Variants in VWA7 observed in about 807,000 individuals in gnomAD.
VWA7 encodes the protein von Willebrand factor A domain-containing protein 7.
In VWA7, 66 loss-of-function variants were observed where a neutral mutation model predicts 83.1. The observed-to-expected ratio is 0.79, with a 90% CI of 0.65 to 0.98. The LOEUF is 0.98. Ranked by LOEUF, VWA7 falls within the 50% of genes least tolerant of loss-of-function variation. The pLI, the probability that VWA7 is intolerant of heterozygous loss-of-function variation, is 0.00. For missense variants in VWA7, 1,080 were observed against 1,160.2 expected, an observed-to-expected ratio of 0.93 and a Z score of 1.00; for synonymous variants, 424 against 488.5, an observed-to-expected ratio of 0.87 and a Z score of 1.74.
rs1811694585 is a variant in VWA7 at position 31,767,209 on chromosome 6, T to C, written c.1831A>G (p.Met611Val). 1 of 1,604,842 alleles carries C rather than the reference T, an allele frequency of 6.2e-7. No homozygotes were observed. Among genetic ancestry groups the C allele is most frequent in the Non-Finnish European group, 8.5e-7 (1 of 1,177,146 alleles). ...AGGCCAGGGTGGGGTCCATCCTCCA[T>C]GGGGATCCCAAAGTGGAAGAGGAAG... ...LDFLFHFGIPMEDGPHPGLYP... is the reference protein window; with the variant it reads ...LDFLFHFGIPVEDGPHPGLYP... The change falls in exon 13 of 17, where the codon ATG (methionine) becomes GTG (valine). Residue 611 changes from methionine (M) to valine (V), a missense_variant. Coordinates refer to ENST00000375688, the MANE Select transcript of VWA7 (RefSeq NM_025258.3).
At position 31,776,220 on chromosome 6, in the gene VWA7, T is replaced by A; in HGVS notation, c.257A>T (p.Asp86Val). The A allele has an allele frequency of 6.2e-7, 1 of 1,611,858 alleles. No individual in the cohort carries two copies. Among genetic ancestry groups the A allele is most frequent in the Non-Finnish European group, 8.5e-7 (1 of 1,179,436 alleles). The change falls in exon 3 of 17, where the codon GAC becomes GTC. Residue 86 changes from aspartate to valine, a missense_variant. Transcript: ENST00000375688. This position sits in a 1 kb window ranked among gnomAD's most constrained non-coding sequence, Gnocchi z 6.2. ...DFLGRTLLAD[D>V]LFAAYFGPGS... ...AGGTCCAAAGTAGGCGGCAAAGAGG[T>A]CATCAGCAAGGAGTGTTCGACCCTG... is the stretch of plus-strand genomic sequence containing the variant.
Position 31,765,626 on chromosome 6 carries a change from C to T in VWA7, c.2644G>A (p.Val882Met). The T allele has an allele frequency of 1.2e-6, 2 of 1,611,120 alleles. No individual in the cohort carries two copies. Among genetic ancestry groups the T allele is most frequent in the Non-Finnish European group, 1.7e-6 (2 of 1,179,382 alleles). The change falls in exon 17 of 17, where the codon GTG (valine) becomes ATG (methionine). Residue 882 changes from valine (V) to methionine (M), a missense_variant. Physicochemically the swap from Val to Met is conservative, Grantham distance 21. Transcript: ENST00000375688. Reference protein sequence around the residue: ...GSPWWGTVGGVLLLLGLASW With the variant: ...GSPWWGTVGGMLLLLGLASW ...GAGGCCAGGCCTAGCAGAAGCAGCA[C>T]CCCTCCAACTGTGCCCCACCAGGGG... is the stretch of plus-strand genomic sequence containing the variant.
rs1202614866 is a variant in VWA7, at chr6:31,773,248, A to T, written c.911T>A (p.Phe304Tyr). ...LLRSRLGDRD[F>Y]SRLLDITPAS... ...TCCCCAGGAGGCCACTCACCTGGAG[A>T]AATCCCTGTCTCCCAGGCGGCTTCG... is the stretch of plus-strand genomic sequence containing the variant. The change falls in exon 6 of 17, where the codon TTC becomes TAC. Residue 304 changes from phenylalanine to tyrosine, a missense_variant. Coordinates refer to ENST00000375688, the MANE Select transcript of VWA7 (RefSeq NM_025258.3). This position sits in a 1 kb window ranked among gnomAD's most constrained non-coding sequence, Gnocchi z 5.3. 1 of 1,602,800 alleles carries T rather than the reference A, an allele frequency of 6.2e-7. No individual in the cohort carries two copies.
chr6:31,775,838 C>T lies in VWA7; in HGVS notation c.513+126G>A, dbSNP rs1311707763. The T allele has an allele frequency of 9.1e-6, 13 of 1,425,360 alleles. No homozygotes were observed. The highest frequency in any genetic ancestry group is 2.9e-5 in the African/African-American group (2 of 70,022). The allele number at this position is 1,425,360 out of a possible 1,614,324, so 88.3% of individuals were successfully genotyped here. A position where few individuals can be genotyped will look rare whatever the true frequency, so the allele number is the denominator to read the frequency against. On this transcript the variant is annotated intron_variant, in intron 3 of 16. Coordinates refer to ENST00000375688, the MANE Select transcript of VWA7 (RefSeq NM_025258.3). The surrounding 1 kb of genome is among the most constrained non-coding windows in gnomAD (Gnocchi z 5.9). ...ACTGGGACACAGCCTCGGGGCACCG[C>T]GTGCCAGTGCCCACCCCTTCCAGAG... is the stretch of plus-strand genomic sequence containing the variant.
chr6:31,767,698 G>A lies in VWA7; in HGVS notation c.1560C>T (p.Ser520=), dbSNP rs758487855. ...VVVPGQPLVF[S]VDGLLQKITV... ...TGATCTTCTGGAGCAGCCCATCCAC[G>A]CTGAACACAAGTGGCTGCCCAGGCA... Residue 520 remains serine (S), a synonymous_variant, in exon 11 of 17, where the codon AGC becomes AGT. Coordinates refer to ENST00000375688, the MANE Select transcript of VWA7 (RefSeq NM_025258.3). The A allele has an allele frequency of 8.7e-6, 14 of 1,613,330 alleles. No individual in the cohort carries two copies. The highest frequency in any genetic ancestry group is 1.3e-5 in the African/African-American group (1 of 74,918).
Position 31,776,794 on chromosome 6 carries a change from C to T in VWA7, c.-15G>A. 1 of 1,363,464 alleles carries T rather than the reference C, an allele frequency of 7.3e-7. No individual in the cohort carries two copies. Among genetic ancestry groups the T allele is most frequent in the South Asian group, 1.7e-5 (1 of 58,520 alleles). The allele number at this position is 1,363,464 out of a possible 1,614,324, so 84.5% of individuals were successfully genotyped here. Reference sequence around the variant, plus strand: ...GTGGGGAGCATGGCTGAGACATGGACCTGGGAGACAGAAGGCTCTCAAGGG... The same window carrying T: ...GTGGGGAGCATGGCTGAGACATGGATCTGGGAGACAGAAGGCTCTCAAGGG... On this transcript the variant is annotated splice_region_variant and 5_prime_UTR_variant, in exon 2 of 17. Transcript: ENST00000375688. This position sits in a 1 kb window ranked among gnomAD's most constrained non-coding sequence, Gnocchi z 6.2.
In VWA7 at chr6:31,770,954, A is replaced by T. The variant is rs543772549; in HGVS notation, c.1088-841T>A. 7.7e-4 allele frequency among the ~76,000 whole-genome samples: 110 copies of T among 142,110 alleles called. 1 individual carries two copies. Among genetic ancestry groups the T allele is most frequent in the African/African-American group, 1.3e-3 (50 of 38,806 alleles). 93.2% of individuals were successfully genotyped at this position (142,110 alleles called of 152,430 possible). On this transcript the variant is annotated intron_variant, in intron 7 of 16. Transcript: ENST00000375688. Reference sequence around the variant, plus strand: ...TGAATCGAGGCTGCAGTGAGGCATGATTGTACCATTGCACTCCAACCTGGG... The same window carrying T: ...TGAATCGAGGCTGCAGTGAGGCATGTTTGTACCATTGCACTCCAACCTGGG...
At position 31,769,933 on chromosome 6, in the gene VWA7, GC is replaced by G; in HGVS notation, c.1200+67del. On this transcript the variant is annotated intron_variant, in intron 8 of 16. Transcript: ENST00000375688. The surrounding 1 kb of genome is among the most constrained non-coding windows in gnomAD (Gnocchi z 4.5). ...ATCTAGGTGCTGAAGGTGGTGGGGA[GC>G]CCCAGGAGGGATCTAGCTCCCCCTG... 1.3e-6 allele frequency: 2 copies of G among 1,536,146 alleles called. No homozygotes were observed. The highest frequency in any genetic ancestry group is 9.0e-7 in the Non-Finnish European group (1 of 1,112,894).
In VWA7 at chr6:31,767,185, G is replaced by A. The variant is rs772085719; in HGVS notation, c.1855C>T (p.Leu619Phe). 1 of 1,573,340 alleles carries A rather than the reference G, an allele frequency of 6.4e-7. No individual in the cohort carries two copies. Among genetic ancestry groups the A allele is most frequent in the East Asian group, 2.4e-5 (1 of 42,134 alleles). Residue 619 changes from leucine (L) to phenylalanine (F), a missense_variant, in exon 13 of 17, where the codon CTC becomes TTC. Physicochemically the swap from Leu to Phe is conservative, Grantham distance 22 (BLOSUM62 0). Transcript: ENST00000375688. ...GCAACTGGCTGAGTCAGGGGGTAGA[G>A]GCCAGGGTGGGGTCCATCCTCCATG... is the stretch of plus-strand genomic sequence containing the variant. ...IPMEDGPHPG[L>F]YPLTQPVAGL...
In VWA7 at chr6:31,765,994, C is replaced by A; in HGVS notation, c.2388G>T (p.Ala796=). The change falls in exon 16 of 17, where the codon GCG becomes GCT. Residue 796 remains alanine (A), a synonymous_variant. Transcript: ENST00000375688. ...GRLWLEVPDS[A]APDSVVMVTV... ...TCACCATCACCACGGAATCCGGGGC[C>A]GCTGAATCTGGGACCTCCAGCCACA... The A allele has an allele frequency of 6.2e-7, 1 of 1,612,996 alleles. No homozygotes were observed. Among genetic ancestry groups the A allele is most frequent in the Non-Finnish European group, 8.5e-7 (1 of 1,180,038 alleles).
chr6:31,768,139 C>CAAAAAAAAAAA (rs9279412), intron 10 of VWA7, among the ~76,000 whole-genome samples: 4 of 77,092 alleles, frequency 5.2e-5, no homozygotes, highest in Non-Finnish European at 7.2e-5. Flanking sequence ...GACTCTGTCT[C>CAAAAAAAAAAA]AAAAAAAAAA....
chr6:31,776,660 A>G lies in VWA7; in HGVS notation c.120T>C (p.Pro40=), dbSNP rs1227373874. The change falls in exon 2 of 17, where the codon CCT becomes CCC. Residue 40 remains proline (P), a synonymous_variant. Coordinates refer to ENST00000375688, the MANE Select transcript of VWA7 (RefSeq NM_025258.3). This position sits in a 1 kb window ranked among gnomAD's most constrained non-coding sequence, Gnocchi z 6.2. The part of the protein sequence containing the change: ...FPNIWSLLAA[P]GSITHQDLTE... ...TTAGGTCTTGGTGGGTGATGGAGCCAGGGGCAGCCAGCAGGCTCCAGATGT... is the reference window on the plus strand; with the variant it reads ...TTAGGTCTTGGTGGGTGATGGAGCCGGGGGCAGCCAGCAGGCTCCAGATGT... The G allele has an allele frequency of 1.3e-6, 2 of 1,543,434 alleles. No individual in the cohort carries two copies. Among genetic ancestry groups the G allele is most frequent in the Non-Finnish European group, 1.7e-6 (2 of 1,143,124 alleles).
At position 31,765,957 on chromosome 6, in the gene VWA7, C is replaced by G; in HGVS notation, c.2425G>C (p.Gly809Arg). The change falls in exon 16 of 17, where the codon GGG (glycine) becomes CGG (arginine). Residue 809 changes from glycine to arginine, a missense_variant. Physicochemically the swap from Gly to Arg is moderately radical, Grantham distance 125. Transcript: ENST00000375688. ...GGTACTGGGTTGGCTTCTCGTCCCC[C>G]TGCAGTCACAGTCACCATCACCACG... ...DSVVMVTVTA[G>R]GREANPVPPT... 6.2e-7 allele frequency: 1 copy of G among 1,613,112 alleles called. No individual in the cohort carries two copies. Among genetic ancestry groups the G allele is most frequent in the Non-Finnish European group, 8.5e-7 (1 of 1,180,030 alleles).
In VWA7 at chr6:31,769,019, A is replaced by G. The variant is rs932001910; in HGVS notation, c.1502T>C (p.Leu501Pro). Residue 501 changes from leucine to proline, a missense_variant and splice_region_variant, in exon 10 of 17, where the codon CTG becomes CCG. By Grantham distance (98) the Leu-to-Pro change is moderately conservative (BLOSUM62 -3). Coordinates refer to ENST00000375688, the MANE Select transcript of VWA7 (RefSeq NM_025258.3). This position sits in a 1 kb window ranked among gnomAD's most constrained non-coding sequence, Gnocchi z 4.5. ...AAIVGESMAA[L>P]VTLPLDPPVV... ...GTGAGGGCCCTGGCCCCCACTTACC[A>G]GGGCAGCCATGCTCTCCCCAACAAT... 5 of 1,609,608 alleles carry G rather than the reference A, an allele frequency of 3.1e-6. No homozygotes were observed. In the African/African-American group the frequency reaches 5.3e-5, roughly 17 times the overall value.
Position 31,769,963 on chromosome 6 carries a change from G to A in VWA7, c.1200+38C>T, listed in dbSNP as rs748434834. 10 of 1,596,654 alleles carry A rather than the reference G, an allele frequency of 6.3e-6. No individual in the cohort carries two copies. Among genetic ancestry groups the A allele is most frequent in the African/African-American group, 2.7e-5 (2 of 74,524 alleles). The stretch of plus-strand genomic sequence containing the variant: ...AGGAGGGATCTAGCTCCCCCTGGTG[G>A]TGGGGCCAGGAAACGGGGAAGAAGG... On this transcript the variant is annotated intron_variant, in intron 8 of 16. Coordinates refer to ENST00000375688, the MANE Select transcript of VWA7 (RefSeq NM_025258.3). This position sits in a 1 kb window ranked among gnomAD's most constrained non-coding sequence, Gnocchi z 4.5.
At position 31,769,196 on chromosome 6, in the gene VWA7, A is replaced by AG. The variant is rs762609891; in HGVS notation, c.1324_1325insC (p.Phe442SerfsTer5). The AG allele has an allele frequency of 1.4e-3, 2,322 of 1,612,708 alleles. 10 individuals carry two copies. The highest frequency in any genetic ancestry group is 9.2e-3 in the Middle Eastern group (56 of 6,060). On this transcript the variant is annotated frameshift_variant, in exon 10 of 17. Transcript: ENST00000375688. LOFTEE classifies it high-confidence loss of function. The surrounding 1 kb of genome is among the most constrained non-coding windows in gnomAD (Gnocchi z 4.5). The stretch of plus-strand genomic sequence containing the variant: ...CCTTGATGTATCTTCAGTCACCAGG[A>AG]ATGTTACCTGTACCCAGAAGAGAGC...
At position 31,775,481 on chromosome 6, in the gene VWA7, A is replaced by C; in HGVS notation, c.514-52T>G. The C allele has an allele frequency of 2.1e-5, 32 of 1,520,680 alleles. No individual in the cohort carries two copies. Among genetic ancestry groups the C allele is most frequent in the Non-Finnish European group, 2.7e-5 (30 of 1,109,968 alleles). 94.2% of individuals were successfully genotyped at this position (1,520,680 alleles called of 1,614,324 possible). On this transcript the variant is annotated intron_variant, in intron 3 of 16. Transcript: ENST00000375688. The surrounding 1 kb of genome is among the most constrained non-coding windows in gnomAD (Gnocchi z 5.9). The stretch of plus-strand genomic sequence containing the variant: ...GTGAGGCACTAGTCTGGCCTTTCTC[A>C]CCATCTCCAGCACTAATATGCCACT...
chr6:31,770,216 G>A, intron 7 of VWA7, 103 bp from the exon 8 acceptor site: 5 of 850,634 alleles, frequency 5.9e-6, no homozygotes, highest in Non-Finnish European at 7.4e-6. Context: ...TTCTGGAGCC[G>A]ACAGGTATTG....
In VWA7 at chr6:31,773,287, G is replaced by C; in HGVS notation, c.872C>G (p.Ala291Gly). The C allele has an allele frequency of 6.2e-7, 1 of 1,608,414 alleles. No homozygotes were observed. The highest frequency in any genetic ancestry group is 8.5e-7 in the Non-Finnish European group (1 of 1,177,648). The change falls in exon 6 of 17, where the codon GCC (alanine) becomes GGC (glycine). Residue 291 changes from alanine (A) to glycine (G), a missense_variant. Ala to Gly is a moderately conservative substitution (Grantham distance 60). Coordinates refer to ENST00000375688, the MANE Select transcript of VWA7 (RefSeq NM_025258.3). The surrounding 1 kb of genome is among the most constrained non-coding windows in gnomAD (Gnocchi z 5.3). ...CAGGCGGCTTCGCAGAAGGCTGAAG[G>C]CCTGGATGGAGGCTAGAAGGGCCAG... ...AKLALLASIQ[A>G]FSLLRSRLGD...
Sources: allele counts gnomAD v4.1 joint callset (sites outside exome capture counted in the v4.1 genomes callset), GRCh38; gene constraint gnomAD v4.1.1; non-coding constraint Gnocchi (gnomAD v3.1); transcripts MANE v1.5; gene names NCBI Gene and HGNC (gene_info 2026-07-23, HGNC 2026-07-21).